The following PDILT variants were observed in gnomAD, a reference collection of about 807,000 sequenced individuals.
The protein encoded by PDILT is protein disulfide isomerase like, testis expressed.
In PDILT, 43 loss-of-function variants were observed where a neutral mutation model predicts 53.7. The ratio of observed to expected loss-of-function variants is 0.80; its 90% confidence interval spans 0.63 to 1.03. The LOEUF is 1.03. Among genes scored for constraint, PDILT ranks in the 50% least tolerant of loss-of-function variants. The probability of loss-of-function intolerance (pLI) is 0.00; values close to 1 mark genes in which losing one functional copy is unlikely to be tolerated. For missense variants in PDILT, 727 were observed against 712.3 expected (o/e 1.02, Z -0.24); for synonymous variants, 282 against 274.2 (o/e 1.03, Z -0.28).
chr16:20,364,853 C>T (rs1966167142), intron 9 of PDILT, among the ~76,000 whole-genome samples: 1 of 152,176 alleles, frequency 6.6e-6, no homozygotes, highest in South Asian at 2.1e-4. Flanking sequence ...TTGGGGTCCC[C>T]ACCTCCTATG....
chr16:20,389,650 G>C (rs528895738), intron 2 of PDILT, among the ~76,000 whole-genome samples: 2 of 152,278 alleles, frequency 1.3e-5, no homozygotes, highest in East Asian at 1.9e-4. Flanking sequence ...ATAGGCAATG[G>C]CTCCCTGACT....
intron 9 of PDILT, among the ~76,000 whole-genome samples, chr16:20,364,135 G>T (rs1966155723): frequency 6.6e-6 from 1 of 152,182 alleles, no homozygotes; most frequent in Non-Finnish European, 1.5e-5. Context: ...CAGCCCCAGG[G>T]GGCCAATCCC....
intron 10 of PDILT, 138 bp from the exon 11 acceptor site, chr16:20,360,795 C>T: frequency 3.1e-6 from 2 of 651,344 alleles, no homozygotes; most frequent in Non-Finnish European, 5.5e-6. Context: ...CTCTCTTAGC[C>T]TCCAGTGCCA....
At chr16:20,397,408 G>A (rs746176115) in intron 2 of PDILT, among the ~76,000 whole-genome samples, 2 of 152,142 alleles carry the variant, frequency 1.3e-5, no homozygotes, top group Non-Finnish European at 2.9e-5. Flanking sequence ...CTCCCAAAGT[G>A]CCAGGGTTAC....
At chr16:20,373,723 A>T (rs1025056263) in intron 5 of PDILT, among the ~76,000 whole-genome samples, 6 of 152,182 alleles carry the variant, frequency 3.9e-5, no homozygotes, top group African/African-American at 1.4e-4. Context: ...TAAGGCAAAC[A>T]CTGAGCTGTA....
At chr16:20,385,400 GTTCTT>G (rs1966520918) in intron 2 of PDILT, among the ~76,000 whole-genome samples, 1 of 152,180 alleles carries the variant, frequency 6.6e-6, no homozygotes, top group African/African-American at 2.4e-5. Context: ...TGGCTGTAGA[GTTCTT>G]TTCTAATCTC....
At chr16:20,400,065 TATA>T (rs1328832195) in intron 1 of PDILT, among the ~76,000 whole-genome samples, 11 of 126,022 alleles carry the variant, frequency 8.7e-5, no homozygotes, top group Non-Finnish European at 1.2e-4. Flanking sequence ...TATATATATA[TATA>T]TATATTTTTT....
At chr16:20,399,484 G>A (rs974841586) in intron 1 of PDILT, among the ~76,000 whole-genome samples, 177 bp from the exon 2 acceptor site, 4 of 152,124 alleles carry the variant, frequency 2.6e-5, no homozygotes, top group South Asian at 4.1e-4. Context: ...GTATTAGGTC[G>A]ACCTCAGGCC....
chr16:20,398,556 A>G (rs895612883), intron 2 of PDILT, among the ~76,000 whole-genome samples: 2 of 152,180 alleles, frequency 1.3e-5, no homozygotes, highest in Admixed American at 1.3e-4. Context: ...GCGTGAACAC[A>G]GGAGGTGGAG....
At chr16:20,391,167 T>C (rs1206837763) in intron 2 of PDILT, 1 of 158,564 alleles carries the variant, frequency 6.3e-6, no homozygotes, top group Non-Finnish European at 1.4e-5. Flanking sequence ...ATCATCACCA[T>C]AGTTAATAAT....
chr16:20,378,950 C>T (rs748414030), intron 3 of PDILT, among the ~76,000 whole-genome samples: 1 of 151,918 alleles, frequency 6.6e-6, no homozygotes, highest in South Asian at 2.1e-4. Flanking sequence ...ATTTCCACTG[C>T]TGTGAATATC....
At chr16:20,384,604 T>C (rs1478834631) in intron 3 of PDILT, 41 bp downstream of exon 3, 19 of 1,611,836 alleles carry the variant, frequency 1.2e-5, no homozygotes, top group African/African-American at 2.7e-5. Flanking sequence ...AAGTGGACTT[T>C]CCATGAGCAT....
chr16:20,394,090 AC>A (rs1223962462), intron 2 of PDILT, among the ~76,000 whole-genome samples: 2 of 152,150 alleles, frequency 1.3e-5, no homozygotes, highest in African/African-American at 4.8e-5. Flanking sequence ...ACCAGAAGAG[AC>A]TGAGTTCACT....
rs1157972265 is a variant in PDILT at position 20,365,477 on chromosome 16, C to T, written c.1180G>A (p.Gly394Arg). 2.5e-6 allele frequency: 4 copies of T among 1,613,862 alleles called. No individual in the cohort carries two copies. Among genetic ancestry groups the T allele is most frequent in the Middle Eastern group, 1.6e-4 (1 of 6,084 alleles). Residue 394 changes from glycine to arginine, a missense_variant, in exon 9 of 12, where the codon GGG becomes AGG. Transcript: ENST00000302451. Reference sequence around the variant, plus strand: ...AAGACGACTACGTTGAAGTTCTTCCCCACGAGCTGCTTAACCAGTCCCTGG... The same window carrying T: ...AAGACGACTACGTTGAAGTTCTTCCTCACGAGCTGCTTAACCAGTCCCTGG... Reference protein sequence around the residue: ...WDQGLVKQLVGKNFNVVVFDK... With the variant: ...WDQGLVKQLVRKNFNVVVFDK...
At chr16:20,373,450 T>C (rs1332283020) in intron 5 of PDILT, among the ~76,000 whole-genome samples, 1 of 152,210 alleles carries the variant, frequency 6.6e-6, no homozygotes, top group African/African-American at 2.4e-5. Context: ...ATTTCTCACA[T>C]ACTGCTCCAA....
chr16:20,365,804 C>T (rs111862195), intron 8 of PDILT, among the ~76,000 whole-genome samples: 9 of 151,996 alleles, frequency 5.9e-5, no homozygotes, highest in Admixed American at 3.9e-4. Context: ...AGATTTAAGC[C>T]GGGCGCGGTG....
chr16:20,382,353 T>C (rs1966472371), intron 3 of PDILT, among the ~76,000 whole-genome samples: 1 of 152,274 alleles, frequency 6.6e-6, no homozygotes. Context: ...AGTCCAAATC[T>C]GGCCTGCTGT....
At chr16:20,396,817 T>A (rs1199869114) in intron 2 of PDILT, among the ~76,000 whole-genome samples, 1 of 152,182 alleles carries the variant, frequency 6.6e-6, no homozygotes, top group African/African-American at 2.4e-5. Flanking sequence ...ACCAAGACAC[T>A]CATAGAGCCC....
chr16:20,367,956 T>C (rs1457672936), intron 8 of PDILT, among the ~76,000 whole-genome samples: 1 of 151,622 alleles, frequency 6.6e-6, no homozygotes, highest in Non-Finnish European at 1.5e-5. Context: ...AGGTGGAAGA[T>C]GGAGGGGATA....
Sources: gnomAD v4.1 joint callset for allele counts (sites outside exome capture counted in the v4.1 genomes callset) on GRCh38, gnomAD v4.1.1 for gene constraint, MANE v1.5 for transcripts, NCBI Gene and HGNC (gene_info 2026-07-23, HGNC 2026-07-21) for gene names.